ASIC2: variants seen among roughly 807,000 people sequenced by gnomAD.
The protein encoded by ASIC2 is acid-sensing ion channel 2.
In ASIC2, 25 loss-of-function variants were observed where a neutral mutation model predicts 57.3. That is an observed-to-expected ratio of 0.44 (90% CI 0.32 to 0.61). The LOEUF (loss-of-function observed/expected upper bound fraction) is 0.61. Ranked by LOEUF, ASIC2 falls within the 20% of genes least tolerant of loss-of-function variation. The probability of loss-of-function intolerance (pLI) is 0.06; values close to 1 mark genes in which losing one functional copy is unlikely to be tolerated. For synonymous variants in ASIC2, 319 were observed against 307.5 expected (o/e 1.04, Z -0.39); for missense variants, 641 against 738.1 (o/e 0.87, Z 1.52).
intron 1 of ASIC2, among the ~76,000 whole-genome samples, chr17:33,430,337 G>A (rs1469251471): frequency 6.6e-6 from 1 of 152,144 alleles, no homozygotes; most frequent in Non-Finnish European, 1.5e-5. Context: ...TGCTCGATGG[G>A]ACTCCTGGGG....
intron 1 of ASIC2, among the ~76,000 whole-genome samples, chr17:33,737,485 A>ATTTTTTT: frequency 6.6e-6 from 1 of 151,182 alleles, no homozygotes; most frequent in Admixed American, 6.6e-5. Flanking sequence ...CGGATTAGAA[A>ATTTTTTT]TATTTTTAAT....
intron 1 of ASIC2, among the ~76,000 whole-genome samples, chr17:33,826,088 C>G (rs1387512310): frequency 1.3e-5 from 2 of 152,142 alleles, no homozygotes; most frequent in Admixed American, 1.3e-4. Flanking sequence ...TGTTGAGATA[C>G]CTATGCAGTC....
rs750707394 is a variant in ASIC2, at chr17:34,128,321, C to A, written c.555+27657G>T. Among the ~76,000 whole-genome samples the A allele has an allele frequency of 3.9e-5, 6 of 152,058 alleles. No homozygotes were observed. In the East Asian group the frequency reaches 1.2e-3, roughly 29 times the overall value. The stretch of plus-strand genomic sequence containing the variant: ...TTCAGCTCACTGAATTCCCAGGGAC[C>A]CCAGGTGCAGGGAGCCTCATAGGAC... On this transcript the variant is annotated intron_variant, in intron 1 of 9. Transcript: ENST00000359872.
intron 1 of ASIC2, among the ~76,000 whole-genome samples, chr17:33,717,671 A>G (rs1390915278): frequency 2.0e-5 from 3 of 152,070 alleles, no homozygotes; most frequent in African/African-American, 4.8e-5. Flanking sequence ...AACCCCTGCT[A>G]AGAGAGAAGA....
chr17:33,660,508 A>G (rs1054234509), intron 1 of ASIC2, among the ~76,000 whole-genome samples: 2 of 152,132 alleles, frequency 1.3e-5, no homozygotes, highest in Admixed American at 1.3e-4. Context: ...AAAATGGTGT[A>G]CAATTAACTT....
At position 33,865,596 on chromosome 17, in the gene ASIC2, C is replaced by G. The variant is rs187398181; in HGVS notation, c.555+290382G>C. On this transcript the variant is annotated intron_variant, in intron 1 of 9. Coordinates refer to the ASIC2 transcript ENST00000359872. Reference sequence around the variant, plus strand: ...TTTCCTCTAATCTATGGTGGATGCTCTTTCTAAAAAACGTTTGTTTTTTGA... The same window carrying G: ...TTTCCTCTAATCTATGGTGGATGCTGTTTCTAAAAAACGTTTGTTTTTTGA... Among the ~76,000 whole-genome samples, 1,071 of 152,034 alleles carry G rather than the reference C, an allele frequency of 7.0e-3. 5 individuals are homozygous for G. The highest frequency in any genetic ancestry group is 8.8e-3 in the Non-Finnish European group (600 of 67,988).
chr17:34,104,667 C>A, intron 1 of ASIC2, among the ~76,000 whole-genome samples: 1 of 152,156 alleles, frequency 6.6e-6, no homozygotes, highest in South Asian at 2.1e-4. Flanking sequence ...GAATTACTGT[C>A]ATTAATGAGT....
intron 1 of ASIC2, among the ~76,000 whole-genome samples, chr17:34,019,791 T>A (rs1597976741): frequency 6.6e-6 from 1 of 152,214 alleles, no homozygotes; most frequent in African/African-American, 2.4e-5. Flanking sequence ...AAAGTATGAC[T>A]GTATTTGTCA....
At chr17:34,011,085 G>GCA (rs140189283) in intron 1 of ASIC2, among the ~76,000 whole-genome samples, 1,628 of 37,220 alleles carry the variant, frequency 0.044, 184 homozygotes, top group African/African-American at 0.12. Flanking sequence ...GCAGACACAT[G>GCA]CACACACACA....
At chr17:33,354,496 G>A (rs1908302873) in intron 1 of ASIC2, among the ~76,000 whole-genome samples, 1 of 152,086 alleles carries the variant, frequency 6.6e-6, no homozygotes, top group African/African-American at 2.4e-5. Flanking sequence ...TGGGATAGAG[G>A]CCTAAACCCT....
At chr17:34,019,622 T>A (rs1011865639) in intron 1 of ASIC2, among the ~76,000 whole-genome samples, 1 of 152,224 alleles carries the variant, frequency 6.6e-6, no homozygotes, top group African/African-American at 2.4e-5. Context: ...GTATAAACAT[T>A]GTTTTATTTA....
intron 1 of ASIC2, among the ~76,000 whole-genome samples, chr17:33,246,255 G>A (rs546137124): frequency 1.4e-4 from 21 of 151,942 alleles, no homozygotes; most frequent in African/African-American, 5.1e-4. Context: ...GAGAAATAAA[G>A]AGCGACTCCC....
At chr17:33,067,513 T>C (rs2092048516) in intron 3 of ASIC2, among the ~76,000 whole-genome samples, 1 of 152,200 alleles carries the variant, frequency 6.6e-6, no homozygotes, top group Non-Finnish European at 1.5e-5. Flanking sequence ...TGAGTAGCTC[T>C]TTTTGACAGA....
chr17:34,034,174 G>A (rs186024239), intron 1 of ASIC2, among the ~76,000 whole-genome samples: 387 of 152,212 alleles, frequency 2.5e-3, no homozygotes, highest in Non-Finnish European at 4.6e-3. Flanking sequence ...TGATCAAGTG[G>A]GCTTCATCCC....
Position 33,776,713 on chromosome 17 carries a change from G to A in ASIC2, c.555+379265C>T, listed in dbSNP as rs72814925. ...CTGAGTGAGTTCCTGGTCTGGACTC[G>A]GAGGCCTGAGCTCTACCGTGGCTTT... On this transcript the variant is annotated intron_variant, in intron 1 of 9. Transcript: ENST00000359872. Among the ~76,000 whole-genome samples, 457 of 152,262 alleles carry A rather than the reference G, an allele frequency of 3.0e-3. 2 individuals carry two copies. Among genetic ancestry groups the A allele is most frequent in the Non-Finnish European group, 4.5e-3 (303 of 68,028 alleles).
At chr17:34,106,722 C>G (rs1911071479) in intron 1 of ASIC2, among the ~76,000 whole-genome samples, 3 of 152,168 alleles carry the variant, frequency 2.0e-5, no homozygotes, top group South Asian at 4.1e-4. Flanking sequence ...CTCCTTAAAG[C>G]TAGTTCCTGT....
chr17:33,470,319 A>T (rs1913006267), intron 1 of ASIC2, among the ~76,000 whole-genome samples: 1 of 152,118 alleles, frequency 6.6e-6, no homozygotes, highest in African/African-American at 2.4e-5. Flanking sequence ...CTGTGACCAG[A>T]TCCCTTTTAG....
At chr17:33,776,056 C>T (rs966829760) in intron 1 of ASIC2, among the ~76,000 whole-genome samples, 3 of 148,842 alleles carry the variant, frequency 2.0e-5, no homozygotes, top group Non-Finnish European at 3.0e-5. Flanking sequence ...TAGCTTGAAC[C>T]AGGGAGGCGG....
intron 1 of ASIC2, among the ~76,000 whole-genome samples, chr17:33,586,759 A>G (rs563905895): frequency 6.6e-6 from 1 of 152,300 alleles, no homozygotes; most frequent in East Asian, 1.9e-4. Flanking sequence ...AACTGGCTCC[A>G]TCCCTTTCAC....
Sources: gnomAD v4.1 joint callset for allele counts (sites outside exome capture counted in the v4.1 genomes callset) on GRCh38, gnomAD v4.1.1 for gene constraint, MANE v1.5 for transcripts, NCBI Gene and HGNC (gene_info 2026-07-23, HGNC 2026-07-21) for gene names.